The following CDH13 variants were observed in gnomAD, a reference collection of about 807,000 sequenced individuals.
The protein encoded by CDH13 is cadherin 13.
In CDH13, 24 loss-of-function variants were observed where a neutral mutation model predicts 63.8. The observed-to-expected ratio is 0.38, with a 90% CI of 0.27 to 0.53. The LOEUF (loss-of-function observed/expected upper bound fraction) is 0.53, where lower values mean the gene tolerates loss of function less well. Among genes scored for constraint, CDH13 ranks in the 20% least tolerant of loss-of-function variants. The pLI, the probability that CDH13 is intolerant of heterozygous loss-of-function variation, is 0.85. For missense variants in CDH13, 1,049 were observed against 903.1 expected (o/e 1.16, Z -2.07); for synonymous variants, 503 against 355.3 (o/e 1.42, Z -4.67).
chr16:83,073,138 C>G (rs1224956642), intron 3 of CDH13, among the ~76,000 whole-genome samples: 1 of 152,214 alleles, frequency 6.6e-6, no homozygotes, highest in South Asian at 2.1e-4. Context: ...GGAAGCACAA[C>G]CTGAGAGACA....
chr16:82,653,672 A>T (rs532075918), intron 1 of CDH13, among the ~76,000 whole-genome samples: 75 of 152,220 alleles, frequency 4.9e-4, no homozygotes, highest in Middle Eastern at 3.4e-3. Context: ...TTGGTTAAGA[A>T]ACACGATGTG....
intron 8 of CDH13, among the ~76,000 whole-genome samples, chr16:83,624,711 G>C (rs1598385761): frequency 1.3e-5 from 2 of 152,114 alleles, no homozygotes; most frequent in South Asian, 2.1e-4. Flanking sequence ...CCTTGCCCTA[G>C]ATCACCTGCC....
intron 4 of CDH13, among the ~76,000 whole-genome samples, chr16:83,144,729 A>G (rs55840026): frequency 0.026 from 3,943 of 152,362 alleles, 96 homozygotes; most frequent in Middle Eastern, 0.054. Context: ...TAAGAGTCCA[A>G]CTGTCAGAAT....
chr16:82,693,888 T>C (rs888902759), intron 1 of CDH13, among the ~76,000 whole-genome samples: 2 of 152,182 alleles, frequency 1.3e-5, no homozygotes, highest in African/African-American at 4.8e-5. Context: ...TCTTATAACA[T>C]TCTTGGTTCA....
chr16:82,996,966 G>T (rs1186068905), intron 2 of CDH13, among the ~76,000 whole-genome samples: 1 of 150,916 alleles, frequency 6.6e-6, no homozygotes, highest in African/African-American at 2.4e-5. Flanking sequence ...GGTGGTGGTG[G>T]TGGTAATGAT....
At chr16:83,730,886 C>A (rs7201657) in intron 10 of CDH13, among the ~76,000 whole-genome samples, 5,808 of 152,254 alleles carry the variant, frequency 0.038, 348 homozygotes, top group African/African-American at 0.13. Flanking sequence ...CAATGTTTAG[C>A]TCCCACTTAG....
intron 1 of CDH13, among the ~76,000 whole-genome samples, chr16:82,819,467 C>A (rs180971610): frequency 6.6e-6 from 1 of 152,174 alleles, no homozygotes; most frequent in Non-Finnish European, 1.5e-5. Context: ...AGCTGCCTGT[C>A]CCACTGTTCC....
intron 6 of CDH13, among the ~76,000 whole-genome samples, chr16:83,477,765 G>A (rs1598110707): frequency 6.6e-6 from 1 of 152,156 alleles, no homozygotes; most frequent in Non-Finnish European, 1.5e-5. Flanking sequence ...TCAAAAGCTG[G>A]TGGGCCTCAG....
intron 2 of CDH13, among the ~76,000 whole-genome samples, chr16:83,012,534 G>T (rs1213877003): frequency 6.6e-6 from 1 of 151,734 alleles, no homozygotes; most frequent in African/African-American, 2.4e-5. Flanking sequence ...CGTCATTTGG[G>T]GGAAAATAAT....
chr16:82,764,166 G>T (rs1043835757), intron 1 of CDH13, among the ~76,000 whole-genome samples: 1 of 152,144 alleles, frequency 6.6e-6, no homozygotes, highest in Non-Finnish European at 1.5e-5. Context: ...TATTATTGCT[G>T]TTGTTGTTGT....
At chr16:83,403,969 CA>C (rs2092006024) in intron 6 of CDH13, among the ~76,000 whole-genome samples, 1 of 152,172 alleles carries the variant, frequency 6.6e-6, no homozygotes, top group African/African-American at 2.4e-5. Flanking sequence ...TGTAATAAAT[CA>C]ACTTGAATTT....
intron 1 of CDH13, among the ~76,000 whole-genome samples, chr16:82,787,551 T>C (rs535541865): frequency 6.6e-6 from 1 of 152,318 alleles, no homozygotes; most frequent in African/African-American, 2.4e-5. Context: ...GTAAGTACAA[T>C]TTATCGAGCA....
chr16:82,965,714 A>C (rs1907701695), intron 2 of CDH13, among the ~76,000 whole-genome samples: 1 of 152,158 alleles, frequency 6.6e-6, no homozygotes. Flanking sequence ...GCTGGTCTCA[A>C]ACTACTGACC....
At chr16:83,406,278 C>A (rs2092043312) in intron 6 of CDH13, among the ~76,000 whole-genome samples, 1 of 152,128 alleles carries the variant, frequency 6.6e-6, no homozygotes, top group Admixed American at 6.5e-5. Flanking sequence ...TTTTCTCCTT[C>A]CTTATCTCCC....
chr16:83,376,689 TAGG>T (rs2091465407), intron 6 of CDH13, among the ~76,000 whole-genome samples: 3 of 152,086 alleles, frequency 2.0e-5, no homozygotes, highest in Middle Eastern at 3.4e-3. Flanking sequence ...TAGAGAGAGT[TAGG>T]AGGTACAAAA....
chr16:83,631,953 A>C (rs1910815213), intron 8 of CDH13, among the ~76,000 whole-genome samples: 1 of 152,200 alleles, frequency 6.6e-6, no homozygotes, highest in Non-Finnish European at 1.5e-5. Flanking sequence ...TCATGAGACA[A>C]ACTGTCCATA....
intron 1 of CDH13, chr16:82,829,631 C>A (rs908941723): frequency 6.6e-6 from 1 of 152,022 alleles, no homozygotes; most frequent in South Asian, 2.1e-4. Context: ...AAATTCCGTT[C>A]CTTCTTACAC....
chr16:82,887,549 A>G (rs1051902089), intron 2 of CDH13, among the ~76,000 whole-genome samples: 5 of 152,180 alleles, frequency 3.3e-5, no homozygotes, highest in African/African-American at 1.2e-4. Context: ...AAGGAGGGCC[A>G]GTGGCTCACG....
intron 7 of CDH13, among the ~76,000 whole-genome samples, chr16:83,500,664 C>G (rs1219972936): frequency 6.9e-6 from 1 of 144,498 alleles, no homozygotes; most frequent in Non-Finnish European, 1.5e-5. Flanking sequence ...CCTCAGACTC[C>G]TGGATTCAAG....
Sources: allele counts gnomAD v4.1 joint callset (sites outside exome capture counted in the v4.1 genomes callset), GRCh38; gene constraint gnomAD v4.1.1; transcripts MANE v1.5; gene names NCBI Gene and HGNC (gene_info 2026-07-23, HGNC 2026-07-21).